Variants in ZNF365 observed in about 807,000 individuals in gnomAD.
ZNF365 encodes zinc finger protein 365.
Under a neutral mutation model 35.0 loss-of-function variants are expected in ZNF365, and 22 were observed. The ratio of observed to expected loss-of-function variants is 0.63; its 90% confidence interval spans 0.45 to 0.90. ZNF365 has a LOEUF of 0.90. ZNF365 is among the 40% of genes least tolerant of loss of function. The pLI, the probability that ZNF365 is intolerant of heterozygous loss-of-function variation, is 0.00. For missense variants in ZNF365, 448 were observed against 500.3 expected (o/e 0.90, Z 1.00); for synonymous variants, 188 against 196.2 (o/e 0.96, Z 0.35).
intron 3 of ZNF365, among the ~76,000 whole-genome samples, chr10:62,389,389 T>C (rs1839585233): frequency 6.6e-6 from 1 of 152,100 alleles, no homozygotes; most frequent in Non-Finnish European, 1.5e-5. Context: ...CATTACTTAT[T>C]GAACTTTATT....
chr10:62,377,877 A>G (rs1839362778), intron 2 of ZNF365, among the ~76,000 whole-genome samples: 1 of 152,230 alleles, frequency 6.6e-6, no homozygotes, highest in Non-Finnish European at 1.5e-5. Context: ...TCTATTATAG[A>G]GATTGATTTA....
intron 3 of ZNF365, among the ~76,000 whole-genome samples, chr10:62,414,772 G>T (rs984798577): frequency 2.0e-5 from 3 of 152,064 alleles, no homozygotes; most frequent in African/African-American, 7.2e-5. Flanking sequence ...GGCTATTATC[G>T]TTTCAAATAT....
At chr10:62,410,536 G>A (rs975150302) in intron 3 of ZNF365, among the ~76,000 whole-genome samples, 1 of 151,880 alleles carries the variant, frequency 6.6e-6, no homozygotes, top group South Asian at 2.1e-4. Context: ...CTCCCCATAG[G>A]CACCTGTGTG....
chr10:62,423,570 C>G (rs4131016), intron 3 of ZNF365, among the ~76,000 whole-genome samples: 89,234 of 152,010 alleles, frequency 0.59, 26,715 homozygotes, highest in East Asian at 0.77. Context: ...TAGGATGTGA[C>G]ATGTGCTCAT....
chr10:62,466,426 C>T (rs1326944669), intron 4 of ZNF365, among the ~76,000 whole-genome samples: 4 of 152,176 alleles, frequency 2.6e-5, no homozygotes, highest in Non-Finnish European at 4.4e-5. Flanking sequence ...TTCACACACC[C>T]CCTGCCACTC....
chr10:62,403,675 C>T (rs1452614900), downstream of ZNF365, among the ~76,000 whole-genome samples: 1 of 152,082 alleles, frequency 6.6e-6, no homozygotes, highest in African/African-American at 2.4e-5. Flanking sequence ...ACAAAAACAA[C>T]AGCAACAACA....
At chr10:62,466,488 C>A (rs61863441) in intron 4 of ZNF365, among the ~76,000 whole-genome samples, 1 of 152,096 alleles carries the variant, frequency 6.6e-6, no homozygotes, top group Non-Finnish European at 1.5e-5. Context: ...TAGCACGGGC[C>A]GAGCACAGCC....
At chr10:62,446,442 G>A (rs574508500) in intron 3 of ZNF365, among the ~76,000 whole-genome samples, 1 of 152,140 alleles carries the variant, frequency 6.6e-6, no homozygotes, top group South Asian at 2.1e-4. Flanking sequence ...TATTAAATGA[G>A]CTACTATATG....
At chr10:62,413,572 G>C (rs1477841871) in intron 3 of ZNF365, among the ~76,000 whole-genome samples, 1 of 152,150 alleles carries the variant, frequency 6.6e-6, no homozygotes, top group Non-Finnish European at 1.5e-5. Flanking sequence ...CTGTCTGCCA[G>C]AGTGGTCAAA....
chr10:62,476,519 G>C (rs1841134144), intron 4 of ZNF365, among the ~76,000 whole-genome samples: 1 of 152,234 alleles, frequency 6.6e-6, no homozygotes, highest in Non-Finnish European at 1.5e-5. Flanking sequence ...CTCACTACAT[G>C]ACGTCCTAAC....
At chr10:62,474,253 C>G (rs1001707841) in intron 4 of ZNF365, among the ~76,000 whole-genome samples, 3 of 152,180 alleles carry the variant, frequency 2.0e-5, no homozygotes, top group Non-Finnish European at 4.4e-5. Context: ...CAGAGCAGGG[C>G]ACACAAAATC....
intron 3 of ZNF365, among the ~76,000 whole-genome samples, chr10:62,409,964 C>T (rs1839961184): frequency 6.6e-6 from 1 of 152,076 alleles, no homozygotes; most frequent in South Asian, 2.1e-4. Flanking sequence ...TGATGGTGTC[C>T]ACATTACCTT....
intron 3 of ZNF365, among the ~76,000 whole-genome samples, chr10:62,435,629 A>T (rs1451690482): frequency 6.6e-6 from 1 of 152,204 alleles, no homozygotes; most frequent in Non-Finnish European, 1.5e-5. Flanking sequence ...CAATCAAGGG[A>T]GATCTATAAT....
intron 3 of ZNF365, among the ~76,000 whole-genome samples, chr10:62,393,616 A>G (rs909086020): frequency 1.3e-5 from 2 of 152,262 alleles, no homozygotes; most frequent in African/African-American, 4.8e-5. Flanking sequence ...GCATGCATAT[A>G]CACACATAAA....
intron 3 of ZNF365, among the ~76,000 whole-genome samples, chr10:62,391,003 A>C (rs1839618170): frequency 6.6e-6 from 1 of 152,046 alleles, no homozygotes; most frequent in Admixed American, 6.5e-5. Context: ...TGAATGTGAC[A>C]TTACTGTACA....
chr10:62,473,075 G>C (rs990360702), intron 4 of ZNF365, among the ~76,000 whole-genome samples: 2 of 152,178 alleles, frequency 1.3e-5, no homozygotes, highest in African/African-American at 4.8e-5. Flanking sequence ...TTGGGGAAAG[G>C]GACCATTCAT....
intron 3 of ZNF365, among the ~76,000 whole-genome samples, chr10:62,442,818 T>C (rs929179407): frequency 2.0e-5 from 3 of 152,160 alleles, no homozygotes; most frequent in African/African-American, 4.8e-5. Flanking sequence ...ATCCCCAACA[T>C]GGGGGGAATT....
chr10:62,388,501 A>C lies in ZNF365; in HGVS notation c.849A>C (p.Glu283Asp), dbSNP rs1564569834. 1.2e-6 allele frequency: 2 copies of C among 1,614,178 alleles called. No homozygotes were observed. The highest frequency in any genetic ancestry group is 1.7e-6 in the Non-Finnish European group (2 of 1,180,030). Residue 283 changes from glutamate to aspartate, a missense_variant, in exon 3 of 5, where the codon GAA (glutamate) becomes GAC (aspartate). Glu to Asp is a conservative substitution (Grantham distance 45). Transcript: ENST00000395254. ...TTGAGAATCTGTTACAGCGGGTAGA[A>C]CTGGCGGAGAAGCAGCTTGAGTACT... is the stretch of plus-strand genomic sequence containing the variant. Reference protein sequence around the residue: ...DFIENLLQRVELAEKQLEYYQ... With the variant: ...DFIENLLQRVDLAEKQLEYYQ...
Position 62,376,181 on chromosome 10 carries a change from G to C in ZNF365, c.-13G>C, listed in dbSNP as rs754793244. Reference sequence around the variant, plus strand: ...AAACTACCTATTTCCCCCCTCCCAGGACTTTTAGAGTAATGCAACAGAAGG... The same window carrying C: ...AAACTACCTATTTCCCCCCTCCCAGCACTTTTAGAGTAATGCAACAGAAGG... On this transcript the variant is annotated splice_region_variant and 5_prime_UTR_variant, in exon 2 of 5. Coordinates refer to ENST00000395254, the MANE Select transcript of ZNF365 (RefSeq NM_014951.3). The C allele has an allele frequency of 6.2e-7, 1 of 1,612,892 alleles. No homozygotes were observed. Among genetic ancestry groups the C allele is most frequent in the African/African-American group, 1.3e-5 (1 of 74,838 alleles).
Sources: gnomAD v4.1 joint callset for allele counts (sites outside exome capture counted in the v4.1 genomes callset) on GRCh38, gnomAD v4.1.1 for gene constraint, MANE v1.5 for transcripts, NCBI Gene and HGNC (gene_info 2026-07-23, HGNC 2026-07-21) for gene names.